The following SMCHD1 variants were observed in gnomAD, a reference collection of about 807,000 sequenced individuals.
SMCHD1 encodes the protein structural maintenance of chromosomes flexible hinge domain-containing protein 1.
In SMCHD1, 78 loss-of-function variants were observed where a neutral mutation model predicts 254.7. That is an observed-to-expected ratio of 0.31 (90% confidence interval 0.26 to 0.37). The LOEUF is 0.37. Ranked by LOEUF, SMCHD1 falls within the 10% of genes least tolerant of loss-of-function variation. SMCHD1 has a pLI of 1.00. For missense variants in SMCHD1, 1,840 were observed against 2,408.1 expected (o/e 0.76, Z 4.94); for synonymous variants, 766 against 794.9 (o/e 0.96, Z 0.61).
intron 41 of SMCHD1, among the ~76,000 whole-genome samples, 154 bp downstream of exon 41, chr18:2,772,526 G>A (rs1479654374): frequency 6.6e-6 from 1 of 152,174 alleles, no homozygotes; most frequent in African/African-American, 2.4e-5. Flanking sequence ...TAGGGATTTG[G>A]CAGAGTTTAA....
At chr18:2,669,406 C>T (rs1020347703) in intron 3 of SMCHD1, among the ~76,000 whole-genome samples, 3 of 151,980 alleles carry the variant, frequency 2.0e-5, no homozygotes, top group Non-Finnish European at 4.4e-5. Flanking sequence ...ACTATGTTGC[C>T]CAGGCTGGTC....
At chr18:2,787,135 A>G (rs2076252976) in intron 45 of SMCHD1, among the ~76,000 whole-genome samples, 1 of 152,204 alleles carries the variant, frequency 6.6e-6, no homozygotes, top group South Asian at 2.1e-4. Context: ...TTCCTATCAC[A>G]GTAGATGAAG....
intron 17 of SMCHD1, among the ~76,000 whole-genome samples, chr18:2,717,714 T>C (rs978588354): frequency 6.6e-6 from 1 of 152,210 alleles, no homozygotes; most frequent in East Asian, 1.9e-4. Context: ...GGTTGACTGC[T>C]TTTCTCTCTC....
Position 2,763,670 on chromosome 18 carries a change from G to A in SMCHD1, c.4600G>A (p.Val1534Ile). 6.3e-7 allele frequency: 1 copy of A among 1,585,878 alleles called. No homozygotes were observed. The highest frequency in any genetic ancestry group is 1.4e-5 in the African/African-American group (1 of 72,800). ...DYDNHTGIDLVGTIIATIKGS... is the reference protein window; with the variant it reads ...DYDNHTGIDLIGTIIATIKGS... Reference sequence around the variant, plus strand: ...CGACAACCATACTGGAATTGATTTGGTTGGCACTATAATAGCCACCATTAA... The same window carrying A: ...CGACAACCATACTGGAATTGATTTGATTGGCACTATAATAGCCACCATTAA... The change falls in exon 37 of 48, where the codon GTT becomes ATT. Residue 1534 changes from valine to isoleucine, a missense_variant. Val to Ile is a conservative substitution (Grantham distance 29). This residue lies in a region of SMCHD1 where 881 missense variants were observed against 1,009.5 expected (regional missense o/e 0.87). Transcript: ENST00000320876.
At chr18:2,738,578 G>A in intron 26 of SMCHD1, 33 bp downstream of exon 26, 1 of 1,568,640 alleles carries the variant, frequency 6.4e-7, no homozygotes, top group Admixed American at 1.9e-5. Context: ...GCAGCCTATG[G>A]CAACAAAATA....
chr18:2,770,230 A>T, intron 39 of SMCHD1, 122 bp downstream of exon 39: 1 of 995,378 alleles, frequency 1.0e-6, no homozygotes, highest in South Asian at 1.7e-5. Flanking sequence ...AATGTTTCAG[A>T]AAGGTGGTAA....
chr18:2,755,167 A>C, intron 34 of SMCHD1, among the ~76,000 whole-genome samples: 1 of 151,888 alleles, frequency 6.6e-6, no homozygotes, highest in East Asian at 1.9e-4. Flanking sequence ...CAATCTTCCT[A>C]CCTCAGCCTC....
In SMCHD1 at chr18:2,661,871, G is replaced by T. The variant is rs184036792; in HGVS notation, c.187-4286G>T. Among the ~76,000 whole-genome samples, 636 of 152,150 alleles carry T rather than the reference G, an allele frequency of 4.2e-3. 2 individuals carry two copies. Among genetic ancestry groups the T allele is most frequent in the Non-Finnish European group, 5.0e-3 (339 of 67,964 alleles). ...CTCAAAAAAATCTGTAAAAAATAAA[G>T]AAAGGCCGGGCGCGGTGGCTCACGC... On this transcript the variant is annotated intron_variant, in intron 1 of 47. Transcript: ENST00000320876.
At chr18:2,740,041 G>A (rs1302603958) in intron 27 of SMCHD1, among the ~76,000 whole-genome samples, 2 of 151,364 alleles carry the variant, frequency 1.3e-5, no homozygotes, top group Non-Finnish European at 2.9e-5. Context: ...CCATCAACCC[G>A]TCATCTACAT....
chr18:2,693,167 AT>A (rs2074216105), intron 7 of SMCHD1, among the ~76,000 whole-genome samples: 1 of 152,212 alleles, frequency 6.6e-6, no homozygotes, highest in Non-Finnish European at 1.5e-5. Context: ...ATACATACTT[AT>A]TTTTAAAAAT....
At chr18:2,788,354 T>C (rs749754443) in intron 45 of SMCHD1, among the ~76,000 whole-genome samples, 35 of 152,232 alleles carry the variant, frequency 2.3e-4, no homozygotes, top group Admixed American at 9.2e-4. Flanking sequence ...ACTGCTGTTA[T>C]CTTCATTTTA....
chr18:2,707,717 G>A (rs1461235497), intron 16 of SMCHD1, 72 bp downstream of exon 16: 3 of 1,459,842 alleles, frequency 2.1e-6, no homozygotes, highest in East Asian at 4.6e-5. Flanking sequence ...TATGTAAAAG[G>A]TCACGAGATA....
chr18:2,774,089 C>G (rs2076027007), intron 41 of SMCHD1, among the ~76,000 whole-genome samples: 1 of 152,102 alleles, frequency 6.6e-6, no homozygotes, highest in Admixed American at 6.5e-5. Context: ...CTTGAAATCC[C>G]ATCTCTAAAT....
chr18:2,723,883 T>C (rs1470306427), intron 20 of SMCHD1, among the ~76,000 whole-genome samples: 1 of 152,018 alleles, frequency 6.6e-6, no homozygotes, highest in Non-Finnish European at 1.5e-5. Context: ...ATGGTAGAGA[T>C]TGGTTTCTAG....
intron 34 of SMCHD1, among the ~76,000 whole-genome samples, chr18:2,754,736 G>A (rs966324509): frequency 3.9e-5 from 6 of 152,112 alleles, no homozygotes; most frequent in African/African-American, 1.2e-4. Flanking sequence ...AGATGTCTGC[G>A]AAGGGCCCAT....
rs67175512 is a variant in SMCHD1 at position 2,748,390 on chromosome 18, A to ATTTTTTTT, written c.3927+755_3927+762dup. On this transcript the variant is annotated intron_variant, in intron 30 of 47. Transcript: ENST00000320876. The stretch of plus-strand genomic sequence containing the variant: ...TGTGTGTGTGTGTGTGTGTATATAA[A>ATTTTTTTT]TTTTTTTTTTTTTTTTTTTGGAGAC... Among the ~76,000 whole-genome samples, 14 of 92,688 alleles carry ATTTTTTTT rather than the reference A, an allele frequency of 1.5e-4. 1 individual carries two copies. The highest frequency in any genetic ancestry group is 5.4e-4 in the African/African-American group (11 of 20,308). 60.8% of individuals were successfully genotyped at this position (92,688 alleles called of 152,430 possible). A position where few individuals can be genotyped will look rare whatever the true frequency, so the allele number is the denominator to read the frequency against.
Position 2,804,100 on chromosome 18 carries a change from G to A in SMCHD1, c.*1548G>A, listed in dbSNP as rs1018897135. The A allele has an allele frequency of 6.6e-6, 1 of 152,138 alleles. No homozygotes were observed. The highest frequency in any genetic ancestry group is 6.5e-5 in the Admixed American group (1 of 15,282). 9.4% of individuals were successfully genotyped at this position (152,138 alleles called of 1,614,324 possible). A position where few individuals can be genotyped will look rare whatever the true frequency, so the allele number is the denominator to read the frequency against. The stretch of plus-strand genomic sequence containing the variant: ...GACATTAGATTATATGAAAATGATT[G>A]ATTGATAGGTAAGAAAGGTTAAAGA... On this transcript the variant is annotated 3_prime_UTR_variant, in exon 48 of 48. Transcript: ENST00000320876.
intron 47 of SMCHD1, 178 bp downstream of exon 47, chr18:2,796,699 G>A: frequency 1.8e-6 from 1 of 551,140 alleles, no homozygotes. Context: ...TTGTGCCTCA[G>A]CCTCCCGAGT....
At chr18:2,784,735 C>T in intron 45 of SMCHD1, 114 bp downstream of exon 45, 1 of 1,169,378 alleles carries the variant, frequency 8.6e-7, no homozygotes, top group Non-Finnish European at 1.2e-6. Context: ...AAGTAAGTAA[C>T]AAATGTAAGT....
Sources: gnomAD v4.1 joint callset for allele counts (sites outside exome capture counted in the v4.1 genomes callset) on GRCh38, gnomAD v4.1.1 for gene constraint, gnomAD v4.1.1 regional missense constraint, MANE v1.5 for transcripts, NCBI Gene and HGNC (gene_info 2026-07-23, HGNC 2026-07-21) for gene names.